Variants in LRCH2 observed in about 807,000 individuals in gnomAD.
The protein encoded by LRCH2 is leucine rich repeats and calponin homology domain containing 2.
Under a neutral mutation model 68.9 loss-of-function variants are expected in LRCH2, and 38 were observed. The ratio of observed to expected loss-of-function variants is 0.55; its 90% confidence interval spans 0.43 to 0.72. LRCH2 has a LOEUF of 0.72. LRCH2 is among the 30% of genes least tolerant of loss of function. LRCH2 has a pLI of 0.00. For missense variants in LRCH2, 528 were observed against 572.9 expected, an observed-to-expected ratio of 0.92 and a Z score of 0.80; for synonymous variants, 191 against 208.1, an observed-to-expected ratio of 0.92 and a Z score of 0.71.
chrX:115,222,260 G>A (rs1408901160), intron 1 of LRCH2, among the ~76,000 whole-genome samples: 1 of 111,795 alleles, frequency 8.9e-6, no homozygotes, highest in East Asian at 2.8e-4. Flanking sequence ...TCTTCCACCT[G>A]ATAAAGACCA....
intron 1 of LRCH2, among the ~76,000 whole-genome samples, chrX:115,224,921 G>A (rs781952963): frequency 4.9e-4 from 55 of 111,729 alleles, no homozygotes; most frequent in African/African-American, 1.7e-3. Context: ...CAGCCCAGCT[G>A]TGCAGAAATA....
intron 14 of LRCH2, chrX:115,139,212 T>G (rs1556533131): frequency 8.9e-6 from 1 of 111,739 alleles, no homozygotes; most frequent in African/African-American, 3.3e-5. Flanking sequence ...ACAATCCCAG[T>G]GGCTTCTTTA....
intron 1 of LRCH2, among the ~76,000 whole-genome samples, chrX:115,200,587 T>C (rs1357242007): frequency 2.9e-5 from 3 of 103,011 alleles, no homozygotes; most frequent in Admixed American, 1.0e-4. Flanking sequence ...AAGGAAGAAA[T>C]AGAAAATCTA....
At chrX:115,129,922 G>A (rs2072228702) in intron 15 of LRCH2, among the ~76,000 whole-genome samples, 1 of 110,942 alleles carries the variant, frequency 9.0e-6, no homozygotes, top group Admixed American at 9.7e-5. Context: ...GACGAATGAT[G>A]ATAAAATTCT....
At chrX:115,207,238 G>A (rs782307547) in intron 1 of LRCH2, among the ~76,000 whole-genome samples, 7 of 111,050 alleles carry the variant, frequency 6.3e-5, no homozygotes, top group Admixed American at 5.7e-4. Flanking sequence ...CCTAAAAATC[G>A]GGGGAAAAAA....
intron 2 of LRCH2, 108 bp from the exon 3 acceptor site, chrX:115,184,645 C>T (rs1556553816): frequency 1.4e-6 from 1 of 712,493 alleles, no homozygotes; most frequent in Non-Finnish European, 1.9e-6. Context: ...TAAGTAATAA[C>T]TTAATAAGTA....
intron 1 of LRCH2, among the ~76,000 whole-genome samples, chrX:115,198,945 A>C (rs1310231600): frequency 8.9e-6 from 1 of 112,130 alleles, no homozygotes; most frequent in African/African-American, 3.2e-5. Context: ...AATAAAAAAA[A>C]CCAAGACTGC....
In LRCH2 at chrX:115,122,821, T is replaced by A. The variant is rs2072154984; in HGVS notation, c.2039A>T (p.His680Leu). The A allele has an allele frequency of 8.3e-7, 1 of 1,208,737 alleles. No individual in the cohort carries two copies. The highest frequency in any genetic ancestry group is 1.7e-5 in the African/African-American group (1 of 57,180). Residue 680 changes from histidine (H) to leucine (L), a missense_variant, in exon 19 of 21, where the codon CAT (histidine) becomes CTT (leucine). By Grantham distance (99) the His-to-Leu change is moderately conservative (BLOSUM62 -3). Coordinates refer to ENST00000317135, the MANE Select transcript of LRCH2 (RefSeq NM_020871.4). ...ACGTGGCCTTATATGATTGGCTAAATGGCAAAGAACAACCCCATCCATCAG... is the reference window on the plus strand; with the variant it reads ...ACGTGGCCTTATATGATTGGCTAAAAGGCAAAGAACAACCCCATCCATCAG... ...AALMDGVVLC[H>L]LANHIRPRSV...
At chrX:115,192,091 G>T (rs2072839108) in intron 1 of LRCH2, 1 of 1,167,231 alleles carries the variant, frequency 8.6e-7, no homozygotes, top group Non-Finnish European at 1.1e-6. Flanking sequence ...CCACAGCGGG[G>T]ACCACTACAC....
At chrX:115,189,630 G>A (rs1556556232) in intron 1 of LRCH2, 1 of 1,169,075 alleles carries the variant, frequency 8.6e-7, no homozygotes, top group Non-Finnish European at 1.1e-6. Context: ...CAGACGCCAA[G>A]GCTGCCGCCA....
chrX:115,148,328 C>T (rs782094534), intron 14 of LRCH2, among the ~76,000 whole-genome samples: 4 of 111,483 alleles, frequency 3.6e-5, no homozygotes, highest in Non-Finnish European at 7.5e-5. Flanking sequence ...ATGAGTTGAT[C>T]TTTGTGAAGT....
Position 115,113,245 on chromosome X carries a change from T to C in LRCH2, c.2269A>G (p.Thr757Ala). 1 of 1,197,813 alleles carries C rather than the reference T, an allele frequency of 8.3e-7. No homozygotes were observed. The highest frequency in any genetic ancestry group is 3.0e-5 in the East Asian group (1 of 33,627). ...TVQALLELPT[T>A]KASQLSVA ...GCCACAGAAAGCTGAGATGCCTTGGTTGTTGGTAATTCAAGGAGCGCCTGA... is the reference window on the plus strand; with the variant it reads ...GCCACAGAAAGCTGAGATGCCTTGGCTGTTGGTAATTCAAGGAGCGCCTGA... The change falls in exon 21 of 21, where the codon ACC becomes GCC. Residue 757 changes from threonine to alanine, a missense_variant. Coordinates refer to ENST00000317135, the MANE Select transcript of LRCH2 (RefSeq NM_020871.4).
chrX:115,133,566 C>A (rs1287345346), intron 14 of LRCH2, among the ~76,000 whole-genome samples: 12 of 111,972 alleles, frequency 1.1e-4, no homozygotes, highest in African/African-American at 3.9e-4. Flanking sequence ...TCCAATAGCA[C>A]GTACTCACTT....
At chrX:115,193,533 A>C (rs2072862843) in intron 1 of LRCH2, among the ~76,000 whole-genome samples, 1 of 112,378 alleles carries the variant, frequency 8.9e-6, no homozygotes, top group East Asian at 2.8e-4. Context: ...ATATACTTCC[A>C]TTCATTTAAA....
intron 2 of LRCH2, among the ~76,000 whole-genome samples, chrX:115,185,811 GA>G (rs1166055862): frequency 8.9e-6 from 1 of 111,785 alleles, no homozygotes; most frequent in Non-Finnish European, 1.9e-5. Flanking sequence ...ATACTTTCAG[GA>G]TGAAGCAGGC....
chrX:115,130,077 T>C (rs2072230232), intron 15 of LRCH2, 78 bp downstream of exon 15: 14 of 516,953 alleles, frequency 2.7e-5, no homozygotes, highest in Non-Finnish European at 9.1e-6. Flanking sequence ...GAAAAATGGA[T>C]TACATTTTAC....
At chrX:115,176,507 A>ATTT (rs11360572) in intron 5 of LRCH2, among the ~76,000 whole-genome samples, 6 of 95,371 alleles carry the variant, frequency 6.3e-5, no homozygotes, top group African/African-American at 2.3e-4. Flanking sequence ...CTATTTTTCA[A>ATTT]TTTTTTTTTT....
intron 1 of LRCH2, chrX:115,189,561 G>C (rs1556556160): frequency 8.5e-7 from 1 of 1,175,238 alleles, no homozygotes; most frequent in Non-Finnish European, 1.1e-6. Context: ...TGTTCCTGAT[G>C]AAAGACCGAA....
chrX:115,181,145 C>T (rs1448071242), intron 3 of LRCH2, among the ~76,000 whole-genome samples: 1 of 111,223 alleles, frequency 9.0e-6, no homozygotes, highest in South Asian at 3.8e-4. Flanking sequence ...TCAGGCAGAG[C>T]GCACCTGACA....
Sources: gnomAD v4.1 joint callset for allele counts (sites outside exome capture counted in the v4.1 genomes callset) on GRCh38, gnomAD v4.1.1 for gene constraint, MANE v1.5 for transcripts, NCBI Gene and HGNC (gene_info 2026-07-23, HGNC 2026-07-21) for gene names.